The following NELL1 variants were observed in gnomAD, a reference collection of about 807,000 sequenced individuals.
The protein encoded by NELL1 is neural EGFL like 1, also known as protein kinase C-binding protein NELL1.
NELL1 carries 76 observed loss-of-function variants against 107.4 expected under a neutral mutation model. That is an observed-to-expected ratio of 0.71 (90% CI 0.59 to 0.86). The LOEUF is 0.86. Ranked by LOEUF, NELL1 falls within the 40% of genes least tolerant of loss-of-function variation. The probability of loss-of-function intolerance (pLI) is 0.00; values close to 1 mark genes in which losing one functional copy is unlikely to be tolerated. For synonymous variants in NELL1, 353 were observed against 341.2 expected, an observed-to-expected ratio of 1.03 and a Z score of -0.38; for missense variants, 1,024 against 1,005.5, an observed-to-expected ratio of 1.02 and a Z score of -0.25.
At chr11:20,676,141 G>A (rs566711982) in intron 1 of NELL1, among the ~76,000 whole-genome samples, 11 of 152,062 alleles carry the variant, frequency 7.2e-5, no homozygotes, top group African/African-American at 1.4e-4. Flanking sequence ...TTTGTTCCTC[G>A]TTTGCATGCA....
At chr11:21,489,388 A>AAAAAAAAAAC (rs1854735498) in intron 15 of NELL1, among the ~76,000 whole-genome samples, 1 of 130,358 alleles carries the variant, frequency 7.7e-6, no homozygotes, top group Non-Finnish European at 1.6e-5. Context: ...TTCAAAAAAA[A>AAAAAAAAAAC]AAAAAAAAAA....
At chr11:21,265,895 C>G (rs535130638) in intron 14 of NELL1, among the ~76,000 whole-genome samples, 1 of 152,062 alleles carries the variant, frequency 6.6e-6, no homozygotes, top group Non-Finnish European at 1.5e-5. Context: ...GGCCCTCTAC[C>G]CTCTGACCCC....
chr11:21,214,868 A>G (rs1326390110), intron 13 of NELL1, among the ~76,000 whole-genome samples: 3 of 152,180 alleles, frequency 2.0e-5, no homozygotes, highest in Non-Finnish European at 4.4e-5. Flanking sequence ...TTTACATGAG[A>G]TAATATTGCA....
At chr11:20,795,385 A>G (rs1264758200) in intron 3 of NELL1, among the ~76,000 whole-genome samples, 1 of 152,246 alleles carries the variant, frequency 6.6e-6, no homozygotes, top group African/African-American at 2.4e-5. Flanking sequence ...ATTCCAATGT[A>G]TATTTCTAAT....
chr11:21,444,188 T>C (rs2133849856), intron 15 of NELL1, among the ~76,000 whole-genome samples: 1 of 152,278 alleles, frequency 6.6e-6, no homozygotes, highest in East Asian at 1.9e-4. Context: ...TTTTAGACAA[T>C]AGACCTACAT....
intron 16 of NELL1, among the ~76,000 whole-genome samples, chr11:21,556,714 G>T (rs1392834781): frequency 3.3e-5 from 5 of 151,882 alleles, no homozygotes; most frequent in Admixed American, 2.0e-4. Flanking sequence ...GTTAATGCAA[G>T]AAAATTAGTT....
intron 2 of NELL1, among the ~76,000 whole-genome samples, chr11:20,750,662 C>T (rs1352922502): frequency 6.6e-6 from 1 of 152,070 alleles, no homozygotes. Context: ...TCATGGCTCA[C>T]TGTACCCTTG....
At chr11:21,173,405 C>A (rs1565095759) in intron 13 of NELL1, among the ~76,000 whole-genome samples, 1 of 151,804 alleles carries the variant, frequency 6.6e-6, no homozygotes, top group African/African-American at 2.4e-5. Flanking sequence ...CTTTCACATT[C>A]TTTTTTTCTA....
intron 4 of NELL1, among the ~76,000 whole-genome samples, chr11:20,863,915 G>A (rs1037547630): frequency 5.9e-5 from 9 of 152,286 alleles, no homozygotes; most frequent in African/African-American, 2.2e-4. Flanking sequence ...AGACCAGCCC[G>A]GCCAACACAG....
chr11:21,180,255 CG>C (rs1216612212), intron 13 of NELL1, among the ~76,000 whole-genome samples: 1 of 151,746 alleles, frequency 6.6e-6, no homozygotes, highest in Non-Finnish European at 1.5e-5. Flanking sequence ...ACAAACTCTG[CG>C]GTTGCTTTCA....
intron 12 of NELL1, among the ~76,000 whole-genome samples, chr11:21,077,265 T>C (rs542186623): frequency 7.6e-4 from 116 of 152,290 alleles, no homozygotes; most frequent in African/African-American, 2.8e-3. Flanking sequence ...TTGTAAATGA[T>C]GCTTTACAGG....
At chr11:21,157,090 G>A (rs1034503587) in intron 13 of NELL1, among the ~76,000 whole-genome samples, 6 of 151,834 alleles carry the variant, frequency 4.0e-5, no homozygotes, top group Admixed American at 1.3e-4. Context: ...GCAACAGAGC[G>A]AGAGTCTGAC....
chr11:20,703,298 A>G (rs1321271374), intron 2 of NELL1, among the ~76,000 whole-genome samples: 1 of 152,102 alleles, frequency 6.6e-6, no homozygotes, highest in African/African-American at 2.4e-5. Flanking sequence ...AGAGGTGTTT[A>G]TAGTATTCTC....
At chr11:20,933,851 C>T (rs1850667184) in intron 9 of NELL1, among the ~76,000 whole-genome samples, 1 of 152,186 alleles carries the variant, frequency 6.6e-6, no homozygotes, top group African/African-American at 2.4e-5. Flanking sequence ...CAAAAAGATA[C>T]AGCTGCATAA....
In NELL1 at chr11:21,334,670, A is replaced by G. The variant is rs190728866; in HGVS notation, c.1550-36183A>G. On this transcript the variant is annotated intron_variant, in intron 14 of 19. Transcript: ENST00000357134. ...ACCCTCACGCCTACAATTTTCTGGT[A>G]TCTTAATTTGGCTGCCTATTTGTGT... 2.6e-5 allele frequency among the ~76,000 whole-genome samples: 4 copies of G among 152,062 alleles called. No homozygotes were observed. In the East Asian group the frequency reaches 5.8e-4, roughly 22 times the overall value.
intron 2 of NELL1, among the ~76,000 whole-genome samples, chr11:20,694,888 G>T (rs1036175779): frequency 6.6e-6 from 1 of 151,806 alleles, no homozygotes; most frequent in Non-Finnish European, 1.5e-5. Flanking sequence ...TGGATTATAT[G>T]GTCATTTTAA....
chr11:20,733,209 C>G (rs946894000), intron 2 of NELL1, among the ~76,000 whole-genome samples: 6 of 152,270 alleles, frequency 3.9e-5, no homozygotes, highest in African/African-American at 1.4e-4. Context: ...TTGTTCTCTC[C>G]TACATCTGTT....
chr11:21,266,117 A>G lies in NELL1; in HGVS notation c.1549+36663A>G, dbSNP rs76310841. Among the ~76,000 whole-genome samples the G allele has an allele frequency of 5.4e-3, 823 of 152,006 alleles. 11 individuals carry two copies. Among genetic ancestry groups the G allele is most frequent in the African/African-American group, 0.019 (789 of 41,508 alleles). ...GTCCAGATACGCAGTCAGTTCATCTATGCACTTCCACAACCCAGTGAGGTC... is the reference window on the plus strand; with the variant it reads ...GTCCAGATACGCAGTCAGTTCATCTGTGCACTTCCACAACCCAGTGAGGTC... On this transcript the variant is annotated intron_variant, in intron 14 of 19. Transcript: ENST00000357134.
rs137949149 is a variant in NELL1 at position 21,064,211 on chromosome 11, A to G, written c.1301-49378A>G. Among the ~76,000 whole-genome samples, 6 of 152,266 alleles carry G rather than the reference A, an allele frequency of 3.9e-5. No homozygotes were observed. The East Asian group carries it at 1.2e-3, about 29-fold the overall frequency. ...GGGGCCAGATGGTGTAGGGACTCAT[A>G]GGCCATTGTGTAGTCTTTGACTTTT... On this transcript the variant is annotated intron_variant, in intron 12 of 19. Transcript: ENST00000357134.
Sources: allele counts gnomAD v4.1 joint callset (sites outside exome capture counted in the v4.1 genomes callset), GRCh38; gene constraint gnomAD v4.1.1; transcripts MANE v1.5; gene names NCBI Gene and HGNC (gene_info 2026-07-23, HGNC 2026-07-21).